RADIL: variants seen among roughly 807,000 people sequenced by gnomAD.
The protein encoded by RADIL is Rap associating with DIL domain, also known as ras-associating and dilute domain-containing protein.
Under a neutral mutation model 97.6 loss-of-function variants are expected in RADIL, and 99 were observed. That is an observed-to-expected ratio of 1.01 (90% confidence interval 0.86 to 1.20). RADIL has a LOEUF of 1.20. Among genes scored for constraint, RADIL ranks in the 50% most tolerant of loss-of-function variants. The pLI is 0.00. For synonymous variants in RADIL, 803 were observed against 691.8 expected (o/e 1.16, Z -2.52); for missense variants, 1,765 against 1,498.9 (o/e 1.18, Z -2.93).
At chr7:4,860,382 T>C (rs752096467) in intron 2 of RADIL, 1 of 1,613,918 alleles carries the variant, frequency 6.2e-7, no homozygotes, top group Admixed American at 1.7e-5. Context: ...ATCTCAAACA[T>C]CTTACTATTC....
intron 2 of RADIL, among the ~76,000 whole-genome samples, chr7:4,869,047 A>C (rs1235082339): frequency 1.3e-5 from 2 of 152,228 alleles, no homozygotes; most frequent in Non-Finnish European, 2.9e-5. Context: ...GAATGGGCTG[A>C]ACCCGAGAAG....
Position 4,815,351 on chromosome 7 carries a change from G to T in RADIL, c.2066C>A (p.Ala689Asp). ...GAGCTTCTGGAAGAAGTGCTCTCCA[G>T]CCGCCCCGAAGCCGGCGCTCCGCAT... ...EWMRSAGFGA[A>D]GEHFFQKLSC... Residue 689 changes from alanine (A) to aspartate (D), a missense_variant, in exon 9 of 15, where the codon GCT becomes GAT. Physicochemically the swap from Ala to Asp is moderately radical, Grantham distance 126 (BLOSUM62 -2). Transcript: ENST00000399583. The surrounding 1 kb of genome is among the most constrained non-coding windows in gnomAD (Gnocchi z 8.0). 6.4e-7 allele frequency: 1 copy of T among 1,557,616 alleles called. No homozygotes were observed. Among genetic ancestry groups the T allele is most frequent in the Non-Finnish European group, 8.7e-7 (1 of 1,151,818 alleles).
intron 2 of RADIL, among the ~76,000 whole-genome samples, chr7:4,871,859 G>C (rs1196480979): frequency 6.6e-6 from 1 of 152,196 alleles, no homozygotes; most frequent in East Asian, 1.9e-4. Context: ...GTGAGTGCTG[G>C]GGTGGTGTTC....
rs746029929 is a variant in RADIL at position 4,801,848 on chromosome 7, T to C, written c.2647A>G (p.Arg883Gly). Residue 883 changes from arginine (R) to glycine (G), a missense_variant, in exon 12 of 15, where the codon AGG (arginine) becomes GGG (glycine). Coordinates refer to ENST00000399583, the MANE Select transcript of RADIL (RefSeq NM_018059.5). ...GAPWAQAPPG[R>G]QPSRGGSQAG... Reference sequence around the variant, plus strand: ...TGGGAGCCCCCACGGCTGGGTTGCCTTCCAGGGGGGGCCTGTGCCCAGGGA... The same window carrying C: ...TGGGAGCCCCCACGGCTGGGTTGCCCTCCAGGGGGGGCCTGTGCCCAGGGA... The C allele has an allele frequency of 5.0e-6, 8 of 1,599,058 alleles. No homozygotes were observed. The highest frequency in any genetic ancestry group is 1.1e-5 in the South Asian group (1 of 89,104).
intron 5 of RADIL, among the ~76,000 whole-genome samples, chr7:4,826,184 G>C (rs925559312): frequency 6.6e-6 from 1 of 151,940 alleles, no homozygotes; most frequent in Non-Finnish European, 1.5e-5. Flanking sequence ...CTCCAGCCTG[G>C]GCAACAGAGT....
chr7:4,863,404 T>C, intron 2 of RADIL, among the ~76,000 whole-genome samples: 1 of 152,176 alleles, frequency 6.6e-6, no homozygotes, highest in Non-Finnish European at 1.5e-5. Context: ...GAACTCAGAG[T>C]GGTATTACCT....
rs1782407994 is a variant in RADIL, at chr7:4,808,196, T to TCTC, written c.2140-2483_2140-2481dup. Among the ~76,000 whole-genome samples, 4 of 142,840 alleles carry TCTC rather than the reference T, an allele frequency of 2.8e-5. No homozygotes were observed. In the South Asian group the frequency reaches 7.1e-4, roughly 25 times the overall value. The allele number at this position is 142,840 out of a possible 152,430, so 93.7% of individuals were successfully genotyped here. A position where few individuals can be genotyped will look rare whatever the true frequency, so the allele number is the denominator to read the frequency against. On this transcript the variant is annotated intron_variant, in intron 9 of 14. Transcript: ENST00000399583. ...CCTGTATCTTCTTCTGCCTTCTTAC[T>TCTC]CTCCTCCCTACCCTGGCATCCCTCC...
intron 2 of RADIL, among the ~76,000 whole-genome samples, chr7:4,852,160 C>T (rs1319290562): frequency 6.6e-6 from 1 of 152,170 alleles, no homozygotes; most frequent in African/African-American, 2.4e-5. Context: ...AGCAGAAACA[C>T]TGGCTGGCCT....
At position 4,800,201 on chromosome 7, in the gene RADIL, G is replaced by T. The variant is rs143487303; in HGVS notation, c.2952C>A (p.Ser984=). The T allele has an allele frequency of 1.2e-6, 2 of 1,608,528 alleles. No homozygotes were observed. Among genetic ancestry groups the T allele is most frequent in the African/African-American group, 1.3e-5 (1 of 74,610 alleles). ...VFTVELERGP[S]GLGMGLIDGM... ...CGTCGATCAGGCCCATCCCCAGCCC[G>T]GAGGGGCCTCGTTCCAGCTCCACCG... The change falls in exon 13 of 15, where the codon TCC becomes TCA. Residue 984 remains serine (S), a synonymous_variant. Transcript: ENST00000399583.
chr7:4,837,895 C>T lies in RADIL; in HGVS notation c.536-1290G>A. 1.0e-6 allele frequency: 1 copy of T among 985,440 alleles called. No homozygotes were observed. Among genetic ancestry groups the T allele is most frequent in the Non-Finnish European group, 1.2e-6 (1 of 829,940 alleles). The allele number at this position is 985,440 out of a possible 1,614,324, so 61.0% of individuals were successfully genotyped here. On this transcript the variant is annotated intron_variant, in intron 2 of 14. Coordinates refer to ENST00000399583, the MANE Select transcript of RADIL (RefSeq NM_018059.5). This position sits in a 1 kb window ranked among gnomAD's most constrained non-coding sequence, Gnocchi z 5.6. The stretch of plus-strand genomic sequence containing the variant: ...GCTGAGTTCCCTGTACGCAGCCTTT[C>T]AGGTTAAGATCCATCCCCATCTGTG...
intron 2 of RADIL, among the ~76,000 whole-genome samples, chr7:4,853,471 G>A (rs1783756282): frequency 6.6e-6 from 1 of 152,080 alleles, no homozygotes; most frequent in Non-Finnish European, 1.5e-5. Flanking sequence ...GGCCGGGCAT[G>A]TTGGCTCACA....
intron 2 of RADIL, among the ~76,000 whole-genome samples, chr7:4,847,044 G>T (rs1489349258): frequency 6.6e-6 from 1 of 152,084 alleles, no homozygotes; most frequent in East Asian, 1.9e-4. Flanking sequence ...AAACAGGCCA[G>T]GCATGGTGGC....
In RADIL at chr7:4,879,219, G is replaced by A. The variant is rs996599647; in HGVS notation, c.-64-1016C>T. Among the ~76,000 whole-genome samples the A allele has an allele frequency of 2.6e-5, 4 of 152,252 alleles. No homozygotes were observed. In the East Asian group the frequency reaches 7.7e-4, roughly 29 times the overall value. ...GAGATGCAGTCTCCTGGGGAAACGG[G>A]AAAACAGCCTGGGACGCGTTGGCGT... On this transcript the variant is annotated intron_variant, in intron 1 of 14. Coordinates refer to ENST00000399583, the MANE Select transcript of RADIL (RefSeq NM_018059.5). This position sits in a 1 kb window ranked among gnomAD's most constrained non-coding sequence, Gnocchi z 4.1.
In RADIL at chr7:4,805,683, C is replaced by T. The variant is rs374877677; in HGVS notation, c.2173G>A (p.Ala725Thr). Residue 725 changes from alanine (A) to threonine (T), a missense_variant, in exon 10 of 15, where the codon GCA (alanine) becomes ACA (threonine). Transcript: ENST00000399583. Reference sequence around the variant, plus strand: ...CGGTGCAGCTGTGCTGGGCTCAGTGCGGGGAACGCAGCCCGCAGGGCTGTC... The same window carrying T: ...CGGTGCAGCTGTGCTGGGCTCAGTGTGGGGAACGCAGCCCGCAGGGCTGTC... ...SWTALRAAFP[A>T]LSPAQLHRLL... 61 of 1,611,336 alleles carry T rather than the reference C, an allele frequency of 3.8e-5. No individual in the cohort carries two copies. The highest frequency in any genetic ancestry group is 3.5e-4 in the African/African-American group (26 of 75,064).
chr7:4,865,726 G>A (rs968787823), intron 2 of RADIL: 7 of 1,068,184 alleles, frequency 6.6e-6, no homozygotes, highest in Non-Finnish European at 7.3e-6. Context: ...TACGGGGTGG[G>A]TGCAATCAAG....
intron 5 of RADIL, among the ~76,000 whole-genome samples, chr7:4,827,636 G>A (rs529342900): frequency 2.6e-5 from 4 of 152,292 alleles, no homozygotes; most frequent in South Asian, 2.1e-4. Flanking sequence ...ACTCCAGCCT[G>A]GGGGACAGGG....
chr7:4,848,270 T>G (rs1783625418), intron 2 of RADIL, among the ~76,000 whole-genome samples: 1 of 151,458 alleles, frequency 6.6e-6, no homozygotes, highest in East Asian at 1.9e-4. Context: ...ATCACACAAC[T>G]TTGTAAATTT....
At chr7:4,863,439 T>A (rs537786935) in intron 2 of RADIL, among the ~76,000 whole-genome samples, 1 of 152,348 alleles carries the variant, frequency 6.6e-6, no homozygotes, top group South Asian at 2.1e-4. Context: ...TTTTGGATTG[T>A]GAGCTCATTT....
At chr7:4,852,465 T>A (rs373493912) in intron 2 of RADIL, among the ~76,000 whole-genome samples, 1 of 152,190 alleles carries the variant, frequency 6.6e-6, no homozygotes, top group Non-Finnish European at 1.5e-5. Context: ...TATGTATTTA[T>A]TGAGACAGGG....
Sources: gnomAD v4.1 joint callset for allele counts (sites outside exome capture counted in the v4.1 genomes callset) on GRCh38, gnomAD v4.1.1 for gene constraint, Gnocchi (gnomAD v3.1) non-coding constraint, MANE v1.5 for transcripts, NCBI Gene and HGNC (gene_info 2026-07-23, HGNC 2026-07-21) for gene names.